The following LRRTM4 variants were observed in gnomAD, a reference collection of about 807,000 sequenced individuals.
LRRTM4 encodes the protein leucine rich repeat transmembrane neuronal 4, also known as leucine-rich repeat transmembrane neuronal protein 4.
LRRTM4 carries 25 observed loss-of-function variants against 47.6 expected under a neutral mutation model. The ratio of observed to expected loss-of-function variants is 0.53; its 90% CI spans 0.38 to 0.73. LRRTM4 has a LOEUF of 0.73. LRRTM4 is among the 30% of genes least tolerant of loss of function. The probability of loss-of-function intolerance (pLI) is 0.00; values close to 1 mark genes in which losing one functional copy is unlikely to be tolerated. For synonymous variants in LRRTM4, 311 were observed against 269.5 expected (o/e 1.15, Z -1.51); for missense variants, 638 against 713.4 (o/e 0.89, Z 1.20).
intron 3 of LRRTM4, among the ~76,000 whole-genome samples, chr2:77,076,293 C>A (rs1033373103): frequency 1.3e-5 from 2 of 152,088 alleles, no homozygotes; most frequent in Admixed American, 1.3e-4. Context: ...TAATTTGTAG[C>A]AATACATATT....
chr2:76,833,753 A>G (rs976825152), intron 3 of LRRTM4, among the ~76,000 whole-genome samples: 3 of 151,836 alleles, frequency 2.0e-5, no homozygotes, highest in Non-Finnish European at 2.9e-5. Context: ...ACATGTGAAA[A>G]TGAGACAATT....
intron 3 of LRRTM4, among the ~76,000 whole-genome samples, chr2:77,069,521 T>G (rs1157523832): frequency 6.6e-6 from 1 of 152,144 alleles, no homozygotes; most frequent in African/African-American, 2.4e-5. Context: ...TGAAGCCATC[T>G]TGTTCTGGAC....
intron 3 of LRRTM4, among the ~76,000 whole-genome samples, chr2:77,325,815 C>A (rs73941206): frequency 6.6e-5 from 10 of 152,280 alleles, no homozygotes; most frequent in African/African-American, 2.4e-4. Flanking sequence ...ACTCTAAAGG[C>A]AAAACCATTA....
chr2:77,406,625 T>C (rs1198408977), intron 3 of LRRTM4, among the ~76,000 whole-genome samples: 2 of 152,028 alleles, frequency 1.3e-5, no homozygotes, highest in Non-Finnish European at 2.9e-5. Context: ...TTAGTAATAT[T>C]AAAGTTAGTG....
intron 3 of LRRTM4, among the ~76,000 whole-genome samples, chr2:76,953,472 A>ACG (rs1199205453): frequency 2.6e-5 from 4 of 151,886 alleles, no homozygotes; most frequent in South Asian, 2.1e-4. Flanking sequence ...AGGAAAACAC[A>ACG]CGCGCACACA....
rs555426073 is a variant in LRRTM4, at chr2:77,522,335, C to T, written c.-374G>A. ...GAAGGCTTTCCAGAGACTGATGATG[C>T]TCAGAGCTTGTTGGTGCTAATGCTT... On this transcript the variant is annotated 5_prime_UTR_variant, in exon 1 of 4. Transcript: ENST00000409884. The T allele has an allele frequency of 5.1e-5, 25 of 489,712 alleles. No homozygotes were observed. In the South Asian group the frequency reaches 7.2e-4, roughly 14 times the overall value. 30.3% of individuals were successfully genotyped at this position (489,712 alleles called of 1,614,324 possible).
intron 3 of LRRTM4, among the ~76,000 whole-genome samples, chr2:76,913,793 C>T (rs916174428): frequency 6.6e-6 from 1 of 151,962 alleles, no homozygotes; most frequent in Non-Finnish European, 1.5e-5. Context: ...TCCATCTTGG[C>T]CTCCCAAAGT....
intron 3 of LRRTM4, among the ~76,000 whole-genome samples, chr2:77,346,280 T>C (rs1176293952): frequency 6.6e-6 from 1 of 152,116 alleles, no homozygotes; most frequent in Non-Finnish European, 1.5e-5. Flanking sequence ...GGAACTGCCA[T>C]ATCTCCCAAT....
intron 3 of LRRTM4, among the ~76,000 whole-genome samples, chr2:77,384,526 A>G (rs904728106): frequency 2.6e-5 from 4 of 151,916 alleles, no homozygotes; most frequent in Non-Finnish European, 5.9e-5. Context: ...ACCATTAGTA[A>G]TAGTATTACT....
At chr2:77,285,112 G>A (rs1023769827) in intron 3 of LRRTM4, among the ~76,000 whole-genome samples, 16 of 151,606 alleles carry the variant, frequency 1.1e-4, no homozygotes, top group African/African-American at 3.9e-4. Flanking sequence ...AAACTTAGCT[G>A]GAAAACTTTA....
At chr2:77,516,591 A>T in intron 3 of LRRTM4, 1 of 980,474 alleles carries the variant, frequency 1.0e-6, no homozygotes, top group Non-Finnish European at 1.2e-6. Flanking sequence ...AAATAGGATG[A>T]ACTTGTGTTA....
chr2:76,914,172 C>A (rs1398873466), intron 3 of LRRTM4, among the ~76,000 whole-genome samples: 1 of 151,610 alleles, frequency 6.6e-6, no homozygotes, highest in Non-Finnish European at 1.5e-5. Flanking sequence ...TTTTATTGTT[C>A]TTGGTAAATT....
At chr2:77,457,149 A>G (rs1676596027) in intron 3 of LRRTM4, among the ~76,000 whole-genome samples, 1 of 149,872 alleles carries the variant, frequency 6.7e-6, no homozygotes, top group African/African-American at 2.5e-5. Context: ...AGGCTAATTA[A>G]TTTTAAAATC....
At chr2:77,392,174 C>T (rs1673529354) in intron 3 of LRRTM4, among the ~76,000 whole-genome samples, 1 of 151,992 alleles carries the variant, frequency 6.6e-6, no homozygotes. Context: ...CCACAATCTC[C>T]ATCCCTATAT....
intron 3 of LRRTM4, among the ~76,000 whole-genome samples, chr2:77,126,926 C>A (rs1196742989): frequency 3.3e-5 from 5 of 152,124 alleles, no homozygotes; most frequent in Admixed American, 3.3e-4. Flanking sequence ...CTGAGAATTA[C>A]ATTATGCAAA....
At chr2:76,820,578 T>C (rs1671025603) in intron 3 of LRRTM4, among the ~76,000 whole-genome samples, 2 of 151,800 alleles carry the variant, frequency 1.3e-5, no homozygotes, top group South Asian at 2.1e-4. Flanking sequence ...GTTTTAGATA[T>C]GTTGTTAATC....
At chr2:76,787,585 TTTAGTG>T (rs931073584) in intron 3 of LRRTM4, among the ~76,000 whole-genome samples, 7 of 152,028 alleles carry the variant, frequency 4.6e-5, no homozygotes, top group African/African-American at 1.7e-4. Flanking sequence ...ATTTTTTTTT[TTTAGTG>T]TTTTGGTTAA....
At chr2:77,351,810 A>G (rs1299487674) in intron 3 of LRRTM4, among the ~76,000 whole-genome samples, 1 of 152,010 alleles carries the variant, frequency 6.6e-6, no homozygotes, top group Non-Finnish European at 1.5e-5. Flanking sequence ...ATCACACTAT[A>G]TATCACAAAC....
chr2:77,133,775 G>A (rs150994230), intron 3 of LRRTM4, among the ~76,000 whole-genome samples: 80 of 152,256 alleles, frequency 5.3e-4, no homozygotes, highest in African/African-American at 1.8e-3. Flanking sequence ...TTGCTATGAC[G>A]CCATTGAATG....
Sources: allele counts gnomAD v4.1 joint callset (sites outside exome capture counted in the v4.1 genomes callset), GRCh38; gene constraint gnomAD v4.1.1; transcripts MANE v1.5; gene names NCBI Gene and HGNC (gene_info 2026-07-23, HGNC 2026-07-21).